NAV2: variants seen among roughly 807,000 people sequenced by gnomAD.
The protein encoded by NAV2 is helicase, APC down-regulated 1.
Under a neutral mutation model 223.2 loss-of-function variants are expected in NAV2, and 54 were observed. The observed-to-expected ratio is 0.24, with a 90% CI of 0.19 to 0.30. NAV2 has a LOEUF of 0.30. Ranked by LOEUF, NAV2 falls within the 10% of genes least tolerant of loss-of-function variation. The pLI is 1.00. For missense variants in NAV2, 2,806 were observed against 3,147.5 expected (o/e 0.89, Z 2.60); for synonymous variants, 1,279 against 1,239.3 (o/e 1.03, Z -0.67).
At chr11:19,421,360 G>A (rs559734868) in intron 1 of NAV2, among the ~76,000 whole-genome samples, 3 of 152,250 alleles carry the variant, frequency 2.0e-5, no homozygotes, top group African/African-American at 4.8e-5. Flanking sequence ...TCTAAGGCGT[G>A]CATGCTCACA....
chr11:19,667,331 C>G (rs2048442691), intron 1 of NAV2, among the ~76,000 whole-genome samples: 1 of 152,202 alleles, frequency 6.6e-6, no homozygotes, highest in African/African-American at 2.4e-5. Context: ...CCTTGAGATG[C>G]TCAGAGTCAG....
At chr11:19,410,038 A>C (rs1804510703) in intron 1 of NAV2, among the ~76,000 whole-genome samples, 1 of 152,092 alleles carries the variant, frequency 6.6e-6, no homozygotes, top group Non-Finnish European at 1.5e-5. Flanking sequence ...CCACTAGGTG[A>C]GGCCCCAGGA....
At chr11:19,793,206 C>CAAAAAAAAAAAAAA (rs557365857) in intron 1 of NAV2, among the ~76,000 whole-genome samples, 1 of 58,280 alleles carries the variant, frequency 1.7e-5, no homozygotes, top group Non-Finnish European at 3.5e-5. Context: ...CACTCTGTCT[C>CAAAAAAAAAAAAAA]AAAAAAAAAA....
rs75217261 is a variant in NAV2, at chr11:20,102,604, T to G, written c.6418-651T>G. ...CTCTAAGTGATGCCAGCTATCATTA[T>G]GACAGTAATGGCAGGCAGCCATCCT... On this transcript the variant is annotated intron_variant, in intron 32 of 37. Transcript: ENST00000349880. 2.0e-4 allele frequency among the ~76,000 whole-genome samples: 30 copies of G among 152,316 alleles called. No homozygotes were observed. In the East Asian group the frequency reaches 5.8e-3, roughly 29 times the overall value.
chr11:19,714,514 C>T, intron 1 of NAV2: 1 of 453,920 alleles, frequency 2.2e-6, no homozygotes, highest in South Asian at 1.6e-5. Flanking sequence ...TGCGGGGTGA[C>T]GGGATTCCGG....
chr11:19,461,953 C>T (rs934621381), intron 1 of NAV2, among the ~76,000 whole-genome samples: 3 of 152,090 alleles, frequency 2.0e-5, no homozygotes, highest in African/African-American at 7.2e-5. Flanking sequence ...TTACAGGCAC[C>T]CGCCATCACA....
At chr11:20,077,921 G>A (rs1448701982) in intron 23 of NAV2, 72 bp from the exon 24 acceptor site, 9 of 1,257,724 alleles carry the variant, frequency 7.2e-6, no homozygotes, top group Non-Finnish European at 1.0e-5. Context: ...CTGTGTTGAA[G>A]CCAAGTTGTA....
intron 1 of NAV2, among the ~76,000 whole-genome samples, chr11:19,432,625 G>C (rs538271334): frequency 1.3e-5 from 2 of 152,286 alleles, no homozygotes; most frequent in Admixed American, 6.5e-5. Flanking sequence ...GCGAGGCAGT[G>C]GGGGAGTGGG....
chr11:20,053,987 G>A (rs554575821), intron 17 of NAV2, 93 bp from the exon 18 acceptor site: 27 of 1,289,198 alleles, frequency 2.1e-5, no homozygotes, highest in African/African-American at 3.1e-5. Flanking sequence ...TCGGATATAT[G>A]TTTTCTTTTT....
intron 1 of NAV2, among the ~76,000 whole-genome samples, chr11:19,368,563 T>C (rs1365739529): frequency 6.6e-6 from 1 of 152,188 alleles, no homozygotes; most frequent in African/African-American, 2.4e-5. Context: ...TTATCCCTTA[T>C]AATGTTGTTA....
chr11:19,975,727 G>A lies in NAV2; in HGVS notation c.2646-8398G>A, dbSNP rs537292060. ...TGAGCCACTGCGGAATTGGTTTATA[G>A]CAAACAGACAAGTCTTGCAATGTAG... On this transcript the variant is annotated intron_variant, in intron 10 of 37. Coordinates refer to ENST00000349880, the MANE Select transcript of NAV2 (RefSeq NM_145117.5). Among the ~76,000 whole-genome samples the A allele has an allele frequency of 2.6e-5, 4 of 152,332 alleles. No homozygotes were observed. In the East Asian group the frequency reaches 7.7e-4, roughly 29 times the overall value.
At chr11:20,101,272 C>A in intron 32 of NAV2, 100 bp downstream of exon 32, 1 of 976,566 alleles carries the variant, frequency 1.0e-6, no homozygotes, top group Non-Finnish European at 1.5e-6. Context: ...TATCAACAAT[C>A]CTTGGGTGGT....
At chr11:19,668,150 G>A (rs1381116900) in intron 1 of NAV2, among the ~76,000 whole-genome samples, 2 of 152,190 alleles carry the variant, frequency 1.3e-5, no homozygotes, top group Admixed American at 1.3e-4. Flanking sequence ...AGAGCAGGGA[G>A]GGAAATGTTA....
intron 10 of NAV2, among the ~76,000 whole-genome samples, chr11:19,954,974 C>T (rs12285945): frequency 0.15 from 10,025 of 67,172 alleles, 495 homozygotes; most frequent in South Asian, 0.29. Flanking sequence ...CATATACACA[C>T]ATATATATAT....
At chr11:19,755,067 C>T (rs1190618142) in intron 1 of NAV2, among the ~76,000 whole-genome samples, 1 of 152,178 alleles carries the variant, frequency 6.6e-6, no homozygotes, top group South Asian at 2.1e-4. Context: ...GTGTCCAGAT[C>T]ATGGCCCTTG....
intron 1 of NAV2, among the ~76,000 whole-genome samples, chr11:19,803,386 G>A (rs917152423): frequency 7.2e-5 from 11 of 152,166 alleles, no homozygotes; most frequent in African/African-American, 2.7e-4. Flanking sequence ...ACACTGCAGA[G>A]GTTACCTTGG....
At position 19,655,783 on chromosome 11, in the gene NAV2, C is replaced by T. The variant is rs1393641256; in HGVS notation, c.76-176701C>T. On this transcript the variant is annotated intron_variant, in intron 1 of 37. Transcript: ENST00000360655. ...GGGAGGGATAGCATTAGGAGATATA[C>T]CTAATGTTAAATGATGAGTTAATGG... Among the ~76,000 whole-genome samples the T allele has an allele frequency of 2.6e-5, 4 of 151,492 alleles. No homozygotes were observed. The South Asian group carries it at 6.3e-4, about 24-fold the overall frequency.
intron 1 of NAV2, among the ~76,000 whole-genome samples, chr11:19,552,758 G>A (rs948158266): frequency 2.0e-5 from 3 of 152,166 alleles, no homozygotes; most frequent in Non-Finnish European, 4.4e-5. Context: ...ATTGGCCAGC[G>A]TGCTGTGAGG....
At chr11:19,349,018 G>C (rs1340389788), upstream of NAV2, among the ~76,000 whole-genome samples, 1 of 152,178 alleles carries the variant, frequency 6.6e-6, no homozygotes, top group Non-Finnish European at 1.5e-5. Context: ...TGGAGATAGT[G>C]GTGGTGAGCA....
Sources: allele counts gnomAD v4.1 joint callset (sites outside exome capture counted in the v4.1 genomes callset), GRCh38; gene constraint gnomAD v4.1.1; transcripts MANE v1.5; gene names NCBI Gene and HGNC (gene_info 2026-07-23, HGNC 2026-07-21).